BCLAF3: variants seen among roughly 807,000 people sequenced by gnomAD.
BCLAF3 encodes transient octamer binding factor 1.
BCLAF3 carries 24 observed loss-of-function variants against 51.2 expected under a neutral mutation model. The ratio of observed to expected loss-of-function variants is 0.47; its 90% CI spans 0.34 to 0.66. The LOEUF (loss-of-function observed/expected upper bound fraction) is 0.66. Among genes scored for constraint, BCLAF3 ranks in the 30% least tolerant of loss-of-function variants. The probability of loss-of-function intolerance (pLI) is 0.01; values close to 1 mark genes in which losing one functional copy is unlikely to be tolerated. For missense variants in BCLAF3, 465 were observed against 525.1 expected, an observed-to-expected ratio of 0.89 and a Z score of 1.12; for synonymous variants, 152 against 176.6, an observed-to-expected ratio of 0.86 and a Z score of 1.10.
At chrX:19,949,809 T>C (rs2071420447) in intron 8 of BCLAF3, among the ~76,000 whole-genome samples, 1 of 112,160 alleles carries the variant, frequency 8.9e-6, no homozygotes, top group Non-Finnish European at 1.9e-5. Flanking sequence ...ATTAGCACTG[T>C]CTCTTTGTAT....
At chrX:19,964,914 G>C (rs1166810340) in intron 4 of BCLAF3, 130 bp downstream of exon 4, 10 of 527,436 alleles carry the variant, frequency 1.9e-5, no homozygotes, top group Non-Finnish European at 2.8e-5. Flanking sequence ...TTTTTTTTTG[G>C]GGGGGAAAAT....
At position 19,978,025 on chromosome X, in the gene BCLAF3, A is replaced by C. The variant is rs1271868480; in HGVS notation, c.-34-7727T>G. ...TGTTGAGACCTACTGCTCAAAAAAA[A>C]AAAAGATTCCTTTCAAAATATTAAT... On this transcript the variant is annotated intron_variant, in intron 1 of 11. Transcript: ENST00000379682. 1.3e-4 allele frequency among the ~76,000 whole-genome samples: 15 copies of C among 111,790 alleles called. No homozygotes were observed. In the Admixed American group the frequency reaches 1.4e-3, roughly 11 times the overall value.
At chrX:19,920,450 G>C (rs1445354828) in intron 11 of BCLAF3, among the ~76,000 whole-genome samples, 1 of 111,489 alleles carries the variant, frequency 9.0e-6, no homozygotes, top group Non-Finnish European at 1.9e-5. Flanking sequence ...GTGTGTGTGT[G>C]TGCATGAATA....
intron 2 of BCLAF3, among the ~76,000 whole-genome samples, chrX:19,969,164 T>C (rs1315804071): frequency 8.9e-6 from 1 of 112,554 alleles, no homozygotes; most frequent in African/African-American, 3.2e-5. Context: ...TGTGATACCC[T>C]GTTAAAATCA....
chrX:19,954,455 A>C (rs988472566), intron 5 of BCLAF3, among the ~76,000 whole-genome samples: 10 of 112,098 alleles, frequency 8.9e-5, no homozygotes, highest in African/African-American at 2.9e-4. Context: ...GTCCATCAGA[A>C]TGCTACTTAA....
intron 4 of BCLAF3, among the ~76,000 whole-genome samples, chrX:19,961,375 T>C (rs757825286): frequency 2.7e-5 from 3 of 112,410 alleles, no homozygotes; most frequent in African/African-American, 9.7e-5. Flanking sequence ...ACTGCTGTTC[T>C]AGATACAAAC....
intron 8 of BCLAF3, among the ~76,000 whole-genome samples, chrX:19,941,421 T>C (rs2071039938): frequency 9.8e-6 from 1 of 101,821 alleles, no homozygotes; most frequent in Admixed American, 1.0e-4. Flanking sequence ...CGTTTAAATC[T>C]TTAATCCATC....
At chrX:19,956,899 G>A (rs765425418) in intron 4 of BCLAF3, among the ~76,000 whole-genome samples, 1 of 111,922 alleles carries the variant, frequency 8.9e-6, no homozygotes, top group Non-Finnish European at 1.9e-5. Context: ...CTGGGGGTAT[G>A]AGTGCACGCA....
chrX:19,977,991 T>C (rs1408520009), intron 1 of BCLAF3, among the ~76,000 whole-genome samples: 2 of 110,426 alleles, frequency 1.8e-5, no homozygotes, highest in African/African-American at 6.6e-5. Context: ...CTGAATATTT[T>C]AAGCCCAATG....
At chrX:19,935,467 G>A in intron 10 of BCLAF3, 1 of 168,780 alleles carries the variant, frequency 5.9e-6, no homozygotes, top group South Asian at 1.5e-4. Context: ...CTCTGCACGT[G>A]TATCTTAGAG....
At chrX:19,938,277 T>TC (rs759534661) in intron 8 of BCLAF3, among the ~76,000 whole-genome samples, 1 of 110,909 alleles carries the variant, frequency 9.0e-6, no homozygotes, top group South Asian at 3.9e-4. Flanking sequence ...TCCCATGGAT[T>TC]CCCCACTGGC....
chrX:19,929,964 A>C (rs1309102364), intron 10 of BCLAF3, 24 bp from the exon 11 acceptor site: 3 of 1,197,077 alleles, frequency 2.5e-6, no homozygotes, highest in East Asian at 3.0e-5. Flanking sequence ...AAAAGGAATT[A>C]AATGCTAAAA....
At chrX:19,936,355 G>A (rs888259315) in intron 9 of BCLAF3, among the ~76,000 whole-genome samples, 2 of 111,809 alleles carry the variant, frequency 1.8e-5, no homozygotes, top group African/African-American at 6.5e-5. Flanking sequence ...CTCTTGCCAT[G>A]GCTAGAAAAG....
chrX:19,929,868 C>T lies in BCLAF3; in HGVS notation c.2023G>A (p.Ala675Thr), dbSNP rs1366633605. Residue 675 changes from alanine to threonine, a missense_variant, in exon 11 of 12, where the codon GCT becomes ACT. Ala to Thr is a moderately conservative substitution (Grantham distance 58, BLOSUM62 0). Transcript: ENST00000379682. ...GLVQKSLYIQ[A>T]KYQRLRFTGP... The stretch of plus-strand genomic sequence containing the variant: ...GTGAACCGTAAACGCTGATACTTAG[C>T]CTGAATGTACAAGCTCTTCTGTACC... The T allele has an allele frequency of 2.5e-6, 3 of 1,210,458 alleles. No homozygotes were observed. The African/African-American group carries it at 5.2e-5, about 21-fold the overall frequency.
chrX:19,929,975 C>T, intron 10 of BCLAF3, 35 bp from the exon 11 acceptor site: 1 of 1,184,716 alleles, frequency 8.4e-7, no homozygotes, highest in South Asian at 1.9e-5. Context: ...AATGCTAAAA[C>T]TACACCTTCC....
chrX:19,965,776 T>G, intron 3 of BCLAF3, 70 bp from the exon 4 acceptor site: 2 of 1,008,395 alleles, frequency 2.0e-6, no homozygotes, highest in Non-Finnish European at 1.3e-6. Flanking sequence ...GTGTAGAATG[T>G]CGGGCAGCAT....
intron 1 of BCLAF3, among the ~76,000 whole-genome samples, chrX:19,983,299 G>A (rs1251520628): frequency 9.3e-6 from 1 of 107,051 alleles, no homozygotes; most frequent in Non-Finnish European, 1.9e-5. Flanking sequence ...GGTTAGGCCG[G>A]GCATAGTGGC....
At chrX:19,950,062 A>AAGTAC (rs1235560917) in intron 8 of BCLAF3, among the ~76,000 whole-genome samples, 1 of 111,822 alleles carries the variant, frequency 8.9e-6, no homozygotes, top group East Asian at 2.8e-4. Flanking sequence ...TATATGACAT[A>AAGTAC]AGTACTTCAC....
chrX:19,937,908 T>C (rs1363883985), intron 8 of BCLAF3, among the ~76,000 whole-genome samples: 3 of 111,839 alleles, frequency 2.7e-5, no homozygotes, highest in Non-Finnish European at 5.6e-5. Flanking sequence ...CCTCCCCTTC[T>C]TGCTGACAGC....
Sources: allele counts gnomAD v4.1 joint callset (sites outside exome capture counted in the v4.1 genomes callset), GRCh38; gene constraint gnomAD v4.1.1; transcripts MANE v1.5; gene names NCBI Gene and HGNC (gene_info 2026-07-23, HGNC 2026-07-21).